TRIM9: variants seen among roughly 807,000 people sequenced by gnomAD.
TRIM9 encodes tripartite motif containing 9.
Under a neutral mutation model 78.3 loss-of-function variants are expected in TRIM9, and 26 were observed. The observed-to-expected ratio is 0.33, with a 90% CI of 0.24 to 0.46. The LOEUF (loss-of-function observed/expected upper bound fraction) is 0.46, where lower values mean the gene tolerates loss of function less well. Ranked by LOEUF, TRIM9 falls within the 20% of genes least tolerant of loss-of-function variation. TRIM9 has a pLI of 1.00. For missense variants in TRIM9, 787 were observed against 1,036.4 expected (o/e 0.76, Z 3.30); for synonymous variants, 398 against 416.5 (o/e 0.96, Z 0.54).
Position 51,094,762 on chromosome 14 carries a change from A to G in TRIM9, c.178T>C (p.Tyr60His). The change falls in exon 1 of 13, where the codon TAT becomes CAT. Residue 60 changes from tyrosine to histidine, a missense_variant. Tyr to His is a moderately conservative substitution (Grantham distance 83). Transcript: ENST00000684578. Reference sequence around the variant, plus strand: ...ATCTTGTCCAGGTCCAGATAGTCATAGTCGGAGACCCCGGAGCCCGCGGCC... The same window carrying G: ...ATCTTGTCCAGGTCCAGATAGTCATGGTCGGAGACCCCGGAGCCCGCGGCC... Reference protein sequence around the residue: ...HRAAGSGVSDYDYLDLDKMSL... With the variant: ...HRAAGSGVSDHDYLDLDKMSL... 1 of 1,529,178 alleles carries G rather than the reference A, an allele frequency of 6.5e-7. No homozygotes were observed. Among genetic ancestry groups the G allele is most frequent in the South Asian group, 1.3e-5 (1 of 77,374 alleles). The allele number at this position is 1,529,178 out of a possible 1,614,324, so 94.7% of individuals were successfully genotyped here.
At chr14:50,978,855 T>G (rs1174754469) in intron 12 of TRIM9, 457 of 952,660 alleles carry the variant, frequency 4.8e-4, no homozygotes, top group Middle Eastern at 5.3e-4. Context: ...AATGAATAAA[T>G]GAGAAGCTGT....
rs568399160 is a variant in TRIM9 at position 51,068,237 on chromosome 14, G to A, written c.822+25881C>T. On this transcript the variant is annotated intron_variant, in intron 1 of 12. Coordinates refer to ENST00000684578, the MANE Select transcript of TRIM9 (RefSeq NM_001387360.1). ...TTCTTAGCACTATGCCAGGACCGTG[G>A]GGATGAAAAAGGAGTAAACACCTGT... Among the ~76,000 whole-genome samples, 5 of 152,090 alleles carry A rather than the reference G, an allele frequency of 3.3e-5. No homozygotes were observed. The East Asian group carries it at 9.6e-4, about 29-fold the overall frequency.
At chr14:51,024,504 T>C (rs1411687996) in intron 2 of TRIM9, among the ~76,000 whole-genome samples, 1 of 152,250 alleles carries the variant, frequency 6.6e-6, no homozygotes, top group Non-Finnish European at 1.5e-5. Flanking sequence ...ACTAAGGTTA[T>C]TTCTGTGAGG....
At chr14:51,004,416 A>C (rs983751574) in intron 5 of TRIM9, among the ~76,000 whole-genome samples, 1 of 151,976 alleles carries the variant, frequency 6.6e-6, no homozygotes, top group Admixed American at 6.6e-5. Context: ...TTCAAATTCT[A>C]TCTCACATTT....
chr14:51,032,634 A>G (rs2058829938), intron 1 of TRIM9, among the ~76,000 whole-genome samples: 1 of 152,188 alleles, frequency 6.6e-6, no homozygotes, highest in Non-Finnish European at 1.5e-5. Flanking sequence ...TTCCAGGTGG[A>G]TCTACCAAGA....
intron 1 of TRIM9, among the ~76,000 whole-genome samples, chr14:51,037,845 TG>T (rs539763288): frequency 4.4e-4 from 67 of 152,070 alleles, no homozygotes; most frequent in Admixed American, 1.4e-3. Flanking sequence ...CAGGACGCCT[TG>T]GGAGGGTAAA....
intron 7 of TRIM9, among the ~76,000 whole-genome samples, chr14:50,993,197 G>C (rs1365143131): frequency 2.0e-5 from 3 of 152,242 alleles, no homozygotes; most frequent in Non-Finnish European, 4.4e-5. Flanking sequence ...TACCAGTGGG[G>C]GAAGGGCCTC....
chr14:50,991,188 A>G (rs2053464668), intron 7 of TRIM9, among the ~76,000 whole-genome samples: 3 of 152,246 alleles, frequency 2.0e-5, no homozygotes. Context: ...AAATTCCTGT[A>G]TTTCAATTAC....
intron 1 of TRIM9, among the ~76,000 whole-genome samples, chr14:51,043,712 C>A (rs1328284953): frequency 2.6e-5 from 4 of 152,154 alleles, no homozygotes; most frequent in Admixed American, 6.5e-5. Flanking sequence ...TATATGAATT[C>A]TTTTTAGTTC....
intron 1 of TRIM9, among the ~76,000 whole-genome samples, chr14:51,056,596 A>C (rs1190055660): frequency 1.3e-5 from 2 of 152,212 alleles, no homozygotes; most frequent in Non-Finnish European, 2.9e-5. Flanking sequence ...ATCAGAGGGC[A>C]CCCACTCTGA....
chr14:51,094,301 G>A lies in TRIM9; in HGVS notation c.639C>T (p.Ala213=). ...PLAKHRLVPP[A]QGRVSRRLSP... Reference sequence around the variant, plus strand: ...TCAGCCTCCGGCTCACACGACCCTGGGCCGGGGGCACCAGGCGGTGCTTGG... The same window carrying A: ...TCAGCCTCCGGCTCACACGACCCTGAGCCGGGGGCACCAGGCGGTGCTTGG... Residue 213 remains alanine, a synonymous_variant, in exon 1 of 13, where the codon GCC becomes GCT. Transcript: ENST00000684578. 1 of 1,613,846 alleles carries A rather than the reference G, an allele frequency of 6.2e-7. No individual in the cohort carries two copies.
intron 11 of TRIM9, 119 bp downstream of exon 11, chr14:50,981,681 A>C: frequency 1.5e-6 from 2 of 1,338,432 alleles, no homozygotes; most frequent in Admixed American, 3.7e-5. Context: ...GTGCTACTTA[A>C]TGTAGACCAC....
rs201960248 is a variant in TRIM9, at chr14:51,022,992, G to A, written c.919-35C>T. 8.1e-4 allele frequency: 1,299 copies of A among 1,610,828 alleles called. 1 individual carries two copies. The highest frequency in any genetic ancestry group is 1.0e-3 in the Non-Finnish European group (1,181 of 1,179,278). ...AGAGCACATTTCTCAACTGCAAGCT[G>A]CTGGGTGCCTCAGGCTGCCAGAGAA... On this transcript the variant is annotated intron_variant, in intron 2 of 12. Transcript: ENST00000684578.
chr14:51,002,504 T>G (rs2055213511), intron 5 of TRIM9, among the ~76,000 whole-genome samples: 1 of 152,168 alleles, frequency 6.6e-6, no homozygotes, highest in African/African-American at 2.4e-5. Context: ...TTACTATTAT[T>G]ACTTTAGTAC....
chr14:51,030,709 G>T (rs189026280), intron 1 of TRIM9, among the ~76,000 whole-genome samples: 24 of 152,210 alleles, frequency 1.6e-4, no homozygotes, highest in African/African-American at 5.8e-4. Flanking sequence ...GTATGTGATT[G>T]TATGTGAGAT....
At chr14:51,060,496 T>G (rs1187666756) in intron 1 of TRIM9, among the ~76,000 whole-genome samples, 4 of 152,200 alleles carry the variant, frequency 2.6e-5, no homozygotes, top group Non-Finnish European at 5.9e-5. Flanking sequence ...AGACAGAATC[T>G]TGCTCTGTCG....
At chr14:51,074,264 A>AT (rs2062561423) in intron 1 of TRIM9, among the ~76,000 whole-genome samples, 1 of 152,172 alleles carries the variant, frequency 6.6e-6, no homozygotes, top group African/African-American at 2.4e-5. Context: ...ACAAAAAAAA[A>AT]GTAATGGAAA....
At chr14:51,077,136 T>C in intron 1 of TRIM9, among the ~76,000 whole-genome samples, 1 of 152,198 alleles carries the variant, frequency 6.6e-6, no homozygotes. Context: ...TCTTGGGTTC[T>C]CCTAACTTAT....
intron 9 of TRIM9, 103 bp downstream of exon 9, chr14:50,983,277 G>T: frequency 1.0e-6 from 1 of 980,710 alleles, no homozygotes; most frequent in Non-Finnish European, 1.5e-6. Context: ...ATGACAATTA[G>T]ACAATTTTAT....
Sources: allele counts gnomAD v4.1 joint callset (sites outside exome capture counted in the v4.1 genomes callset), GRCh38; gene constraint gnomAD v4.1.1; transcripts MANE v1.5; gene names NCBI Gene and HGNC (gene_info 2026-07-23, HGNC 2026-07-21).